THSD7A: variants seen among roughly 807,000 people sequenced by gnomAD.
The protein encoded by THSD7A is thrombospondin type-1 domain-containing protein 7A.
Under a neutral mutation model 231.3 loss-of-function variants are expected in THSD7A, and 96 were observed. The ratio of observed to expected loss-of-function variants is 0.41; its 90% CI spans 0.35 to 0.49. THSD7A has a LOEUF of 0.49. THSD7A is among the 20% of genes least tolerant of loss of function. The pLI is 0.05. For synonymous variants in THSD7A, 940 were observed against 743.3 expected, an observed-to-expected ratio of 1.26 and a Z score of -4.30; for missense variants, 2,290 against 2,070.2, an observed-to-expected ratio of 1.11 and a Z score of -2.06.
intron 6 of THSD7A, among the ~76,000 whole-genome samples, chr7:11,522,090 G>C (rs1340124887): frequency 6.6e-6 from 1 of 152,162 alleles, no homozygotes; most frequent in African/African-American, 2.4e-5. Flanking sequence ...ATTAGGACCT[G>C]ATAAAAATTT....
intron 7 of THSD7A, among the ~76,000 whole-genome samples, chr7:11,475,222 T>C (rs1440874391): frequency 8.5e-5 from 13 of 152,108 alleles, no homozygotes; most frequent in Admixed American, 3.9e-4. Flanking sequence ...AATTATACTT[T>C]TAAGGTGCTT....
chr7:11,559,406 G>A (rs1789986224), intron 4 of THSD7A, among the ~76,000 whole-genome samples: 1 of 152,030 alleles, frequency 6.6e-6, no homozygotes, highest in African/African-American at 2.4e-5. Context: ...TTGGTGGAGG[G>A]TTATAAGAGT....
intron 1 of THSD7A, among the ~76,000 whole-genome samples, chr7:11,777,568 G>A (rs1354911231): frequency 6.6e-6 from 1 of 151,836 alleles, no homozygotes; most frequent in Non-Finnish European, 1.5e-5. Flanking sequence ...CCCTTACTGG[G>A]GTCCCAGAGT....
chr7:11,420,321 G>A (rs1368121480), intron 16 of THSD7A, among the ~76,000 whole-genome samples: 1 of 152,194 alleles, frequency 6.6e-6, no homozygotes, highest in African/African-American at 2.4e-5. Context: ...ACTGCTCTGT[G>A]CAGCCTCAGG....
chr7:11,786,807 T>C (rs1366528307), intron 1 of THSD7A, among the ~76,000 whole-genome samples: 1 of 148,988 alleles, frequency 6.7e-6, no homozygotes, highest in African/African-American at 2.5e-5. Flanking sequence ...GCTAGTAAAG[T>C]CTTTTCTTTG....
Position 11,548,623 on chromosome 7 carries a change from C to T in THSD7A, c.1454-5506G>A, listed in dbSNP as rs1789496403. Among the ~76,000 whole-genome samples the T allele has an allele frequency of 2.6e-5, 4 of 152,076 alleles. No individual in the cohort carries two copies. In the South Asian group the frequency reaches 8.3e-4, roughly 31 times the overall value. Reference sequence around the variant, plus strand: ...TGCAAAAATCCTCAAAAATTACAAGCTAACCAAATCCAGTAACACATCAGA... The same window carrying T: ...TGCAAAAATCCTCAAAAATTACAAGTTAACCAAATCCAGTAACACATCAGA... On this transcript the variant is annotated intron_variant, in intron 4 of 27. Coordinates refer to ENST00000423059, the MANE Select transcript of THSD7A (RefSeq NM_015204.3).
intron 2 of THSD7A, among the ~76,000 whole-genome samples, chr7:11,609,238 A>T (rs77985933): frequency 6.6e-6 from 1 of 152,174 alleles, no homozygotes; most frequent in Non-Finnish European, 1.5e-5. Flanking sequence ...TCTCACAAAG[A>T]ATAAAACATG....
At chr7:11,535,305 G>A (rs1247310212) in intron 6 of THSD7A, among the ~76,000 whole-genome samples, 2 of 152,076 alleles carry the variant, frequency 1.3e-5, no homozygotes, top group South Asian at 2.1e-4. Flanking sequence ...AGATATCCAA[G>A]TGTATTGTAA....
At chr7:11,588,699 A>AGTG (rs1780021536) in intron 4 of THSD7A, among the ~76,000 whole-genome samples, 3 of 152,314 alleles carry the variant, frequency 2.0e-5, no homozygotes, top group East Asian at 3.9e-4. Context: ...GCAATAACCT[A>AGTG]CAGGACATAA....
chr7:11,740,330 G>C, intron 1 of THSD7A, among the ~76,000 whole-genome samples: 1 of 151,898 alleles, frequency 6.6e-6, no homozygotes, highest in East Asian at 1.9e-4. Flanking sequence ...GAGAGAAATT[G>C]TATACACCTC....
At chr7:11,612,194 A>C (rs888478187) in intron 2 of THSD7A, among the ~76,000 whole-genome samples, 1 of 152,040 alleles carries the variant, frequency 6.6e-6, no homozygotes. Context: ...GGCCTAACTG[A>C]TTCTGACAGT....
chr7:11,494,897 A>G (rs531598822), intron 6 of THSD7A, among the ~76,000 whole-genome samples: 2 of 152,260 alleles, frequency 1.3e-5, no homozygotes, highest in East Asian at 3.9e-4. Context: ...TTCAGAGATA[A>G]TCTATGCTTA....
chr7:11,645,620 G>A (rs1306936506), intron 1 of THSD7A, among the ~76,000 whole-genome samples: 1 of 151,598 alleles, frequency 6.6e-6, no homozygotes, highest in Non-Finnish European at 1.5e-5. Context: ...ATGATTTAAA[G>A]GTACCTTTCA....
intron 1 of THSD7A, among the ~76,000 whole-genome samples, chr7:11,733,432 G>T (rs946285325): frequency 6.6e-6 from 1 of 151,820 alleles, no homozygotes; most frequent in Non-Finnish European, 1.5e-5. Context: ...TGTGAAAAAA[G>T]ATAAGATATA....
At chr7:11,827,719 CCTT>C (rs1271119918) in intron 1 of THSD7A, among the ~76,000 whole-genome samples, 1 of 152,176 alleles carries the variant, frequency 6.6e-6, no homozygotes, top group Admixed American at 6.5e-5. Context: ...CAGCCTAACT[CCTT>C]CTCCTAAACT....
chr7:11,464,079 C>T (rs757132167), intron 9 of THSD7A, among the ~76,000 whole-genome samples: 4 of 152,102 alleles, frequency 2.6e-5, no homozygotes, highest in Admixed American at 1.3e-4. Context: ...CTTCTACCCC[C>T]TTCCTATTCA....
At chr7:11,380,225 GAGA>G (rs1444979802) in intron 24 of THSD7A, among the ~76,000 whole-genome samples, 1 of 152,068 alleles carries the variant, frequency 6.6e-6, no homozygotes, top group Non-Finnish European at 1.5e-5. Flanking sequence ...TTTGGATATA[GAGA>G]AGAAAACAAA....
At chr7:11,565,641 T>C (rs1439387245) in intron 4 of THSD7A, among the ~76,000 whole-genome samples, 1 of 152,218 alleles carries the variant, frequency 6.6e-6, no homozygotes, top group East Asian at 1.9e-4. Flanking sequence ...GAATCAAGTA[T>C]GGCTCCAAAG....
In THSD7A at chr7:11,446,422, A is replaced by G; in HGVS notation, c.2801-98T>C. 2 of 1,326,684 alleles carry G rather than the reference A, an allele frequency of 1.5e-6. No homozygotes were observed. Among genetic ancestry groups the G allele is most frequent in the Non-Finnish European group, 2.1e-6 (2 of 973,720 alleles). 82.2% of individuals were successfully genotyped at this position (1,326,684 alleles called of 1,614,324 possible). Reference sequence around the variant, plus strand: ...CTGCTTTCCTAATTTCTTTTTCTTCATTTTTAACCATATTTAACAGTAGCC... The same window carrying G: ...CTGCTTTCCTAATTTCTTTTTCTTCGTTTTTAACCATATTTAACAGTAGCC... On this transcript the variant is annotated intron_variant, in intron 12 of 27. Coordinates refer to ENST00000423059, the MANE Select transcript of THSD7A (RefSeq NM_015204.3). This position sits in a 1 kb window ranked among gnomAD's most constrained non-coding sequence, Gnocchi z 4.0.
Sources: gnomAD v4.1 joint callset for allele counts (sites outside exome capture counted in the v4.1 genomes callset) on GRCh38, gnomAD v4.1.1 for gene constraint, Gnocchi (gnomAD v3.1) non-coding constraint, MANE v1.5 for transcripts, NCBI Gene and HGNC (gene_info 2026-07-23, HGNC 2026-07-21) for gene names.